Variants in TACR3 observed in about 807,000 individuals in gnomAD.
TACR3 encodes tachykinin receptor 3, also known as neuromedin-K receptor.
TACR3 carries 34 observed loss-of-function variants against 35.0 expected under a neutral mutation model. The ratio of observed to expected loss-of-function variants is 0.97; its 90% CI spans 0.74 to 1.30. TACR3 has a LOEUF of 1.30. Among genes scored for constraint, TACR3 ranks in the 50% most tolerant of loss-of-function variants. The pLI is 0.00. For synonymous variants in TACR3, 233 were observed against 221.1 expected (o/e 1.05, Z -0.48); for missense variants, 558 against 591.7 (o/e 0.94, Z 0.59).
intron 3 of TACR3, among the ~76,000 whole-genome samples, chr4:103,651,454 T>A (rs1725616352): frequency 6.6e-6 from 1 of 151,980 alleles, no homozygotes; most frequent in Admixed American, 6.6e-5. Flanking sequence ...TTGTGGTAAA[T>A]GCTGCCTGGC....
intron 1 of TACR3, among the ~76,000 whole-genome samples, chr4:103,707,961 C>A (rs1222080724): frequency 6.6e-6 from 1 of 152,194 alleles, no homozygotes. Flanking sequence ...TGGAGGGGCA[C>A]CCGCCATTGC....
chr4:103,629,852 A>AAAAC (rs1553969604), intron 3 of TACR3, among the ~76,000 whole-genome samples: 2 of 115,130 alleles, frequency 1.7e-5, no homozygotes, highest in African/African-American at 6.9e-5. Flanking sequence ...AAGCAAAACA[A>AAAAC]AAAAAAAACA....
intron 1 of TACR3, among the ~76,000 whole-genome samples, chr4:103,673,987 T>C (rs1426575610): frequency 1.3e-5 from 2 of 152,180 alleles, no homozygotes; most frequent in Non-Finnish European, 2.9e-5. Context: ...AATGAGGTTT[T>C]AGATGAAAAG....
intron 3 of TACR3, among the ~76,000 whole-genome samples, chr4:103,627,056 C>T (rs545967572): frequency 2.7e-4 from 40 of 150,804 alleles, no homozygotes; most frequent in African/African-American, 8.5e-4. Flanking sequence ...GTGGCAGGCA[C>T]CTGTAGTCCC....
chr4:103,683,465 C>G (rs1722146318), intron 1 of TACR3, among the ~76,000 whole-genome samples: 1 of 18,496 alleles, frequency 5.4e-5, no homozygotes, highest in African/African-American at 2.7e-4. Flanking sequence ...ACTAGAAAGA[C>G]TGACCAAAAA....
chr4:103,693,985 T>C (rs1722467386), intron 1 of TACR3, among the ~76,000 whole-genome samples: 1 of 151,638 alleles, frequency 6.6e-6, no homozygotes, highest in African/African-American at 2.4e-5. Flanking sequence ...AATTATACTT[T>C]TCTTATTGGT....
At chr4:103,713,333 G>A (rs1018346699) in intron 1 of TACR3, among the ~76,000 whole-genome samples, 1 of 151,938 alleles carries the variant, frequency 6.6e-6, no homozygotes, top group Non-Finnish European at 1.5e-5. Context: ...GGACATGGAT[G>A]AAGCTGGAAA....
At chr4:103,678,839 A>G (rs566245284) in intron 1 of TACR3, among the ~76,000 whole-genome samples, 2 of 151,632 alleles carry the variant, frequency 1.3e-5, no homozygotes, top group South Asian at 2.1e-4. Flanking sequence ...CACCACATCT[A>G]TAAGATTATT....
Position 103,685,318 on chromosome 4 carries a change from A to G in TACR3, c.549-26915T>C, listed in dbSNP as rs554054107. Among the ~76,000 whole-genome samples, 25 of 152,286 alleles carry G rather than the reference A, an allele frequency of 1.6e-4. No homozygotes were observed. In the East Asian group the frequency reaches 4.4e-3, roughly 27 times the overall value. Reference sequence around the variant, plus strand: ...ACAATTGGATATTTGTATGCCAAAAATATTTTACATTGAGTTCAAGCTAAG... The same window carrying G: ...ACAATTGGATATTTGTATGCCAAAAGTATTTTACATTGAGTTCAAGCTAAG... On this transcript the variant is annotated intron_variant, in intron 1 of 4. Coordinates refer to ENST00000304883, the MANE Select transcript of TACR3 (RefSeq NM_001059.3).
At chr4:103,591,109 T>G in intron 4 of TACR3, 1 of 269,378 alleles carries the variant, frequency 3.7e-6, no homozygotes, top group East Asian at 9.3e-5. Context: ...TTATAGAAAT[T>G]ATTCAAGAAT....
chr4:103,659,691 G>A (rs922076566), intron 1 of TACR3, among the ~76,000 whole-genome samples: 13 of 152,088 alleles, frequency 8.5e-5, no homozygotes, highest in African/African-American at 3.1e-4. Context: ...TATACTTAAA[G>A]CATACTTAAA....
In TACR3 at chr4:103,589,858, A is replaced by G; in HGVS notation, c.1222T>C (p.Ser408Pro). The G allele has an allele frequency of 1.2e-6, 2 of 1,613,180 alleles. No homozygotes were observed. The highest frequency in any genetic ancestry group is 1.7e-6 in the Non-Finnish European group (2 of 1,179,672). The change falls in exon 5 of 5, where the codon TCC (serine) becomes CCC (proline). Residue 408 changes from serine to proline, a missense_variant. Ser to Pro is a moderately conservative substitution (Grantham distance 74, BLOSUM62 -1). Transcript: ENST00000304883. ...TTGGGGTCAAACACGACTGTCATGG[A>G]CTCCATTCTGGTCACGGTGTACATA... ...SSMYTVTRME[S>P]MTVVFDPNDA... is the part of the protein sequence containing the mutation.
rs527579531 is a variant in TACR3 at position 103,680,524 on chromosome 4, C to T, written c.549-22121G>A. On this transcript the variant is annotated intron_variant, in intron 1 of 4. Coordinates refer to ENST00000304883, the MANE Select transcript of TACR3 (RefSeq NM_001059.3). ...ACACACACACACACATATATATATACACATATATATACATATATATACACA... is the reference window on the plus strand; with the variant it reads ...ACACACACACACACATATATATATATACATATATATACATATATATACACA... Among the ~76,000 whole-genome samples, 1,200 of 134,328 alleles carry T rather than the reference C, an allele frequency of 8.9e-3. 19 individuals are homozygous for T. Among genetic ancestry groups the T allele is most frequent in the African/African-American group, 0.035 (1,147 of 32,634 alleles). The allele number at this position is 134,328 out of a possible 152,430, so 88.1% of individuals were successfully genotyped here. A position where few individuals can be genotyped will look rare whatever the true frequency, so the allele number is the denominator to read the frequency against.
intron 3 of TACR3, among the ~76,000 whole-genome samples, chr4:103,649,983 T>A (rs1176664987): frequency 2.0e-5 from 3 of 152,050 alleles, no homozygotes; most frequent in Non-Finnish European, 4.4e-5. Context: ...CCATCCTTCT[T>A]GGGAAGGATT....
intron 3 of TACR3, among the ~76,000 whole-genome samples, chr4:103,636,491 C>A (rs756348198): frequency 1.3e-5 from 2 of 151,888 alleles, no homozygotes; most frequent in Non-Finnish European, 2.9e-5. Context: ...CACACAAAAG[C>A]CTTTTATCTC....
At chr4:103,600,199 A>G (rs1014431174) in intron 3 of TACR3, among the ~76,000 whole-genome samples, 10 of 152,146 alleles carry the variant, frequency 6.6e-5, no homozygotes, top group Middle Eastern at 3.4e-3. Flanking sequence ...TGTATGTGTC[A>G]AGGAATTTAT....
chr4:103,598,308 T>A (rs1724092674), intron 3 of TACR3, among the ~76,000 whole-genome samples: 1 of 152,200 alleles, frequency 6.6e-6, no homozygotes, highest in African/African-American at 2.4e-5. Context: ...TTGTTTGTTT[T>A]TTTCTTGTAA....
Position 103,591,666 on chromosome 4 carries a change from AATC to A in TACR3, c.903_905del (p.Met301del). On this transcript the variant is annotated inframe_deletion, in exon 4 of 5. Coordinates refer to ENST00000304883, the MANE Select transcript of TACR3 (RefSeq NM_001059.3). ...AGATAGCAAATGTCATGACAACAAT[AATC>A]ATCATTTTGACAACCTATAAAGAAA... 3.7e-6 allele frequency: 6 copies of A among 1,613,106 alleles called. No individual in the cohort carries two copies. The highest frequency in any genetic ancestry group is 5.1e-6 in the Non-Finnish European group (6 of 1,179,624).
intron 3 of TACR3, among the ~76,000 whole-genome samples, chr4:103,626,842 A>G (rs1166765877): frequency 6.6e-6 from 1 of 151,970 alleles, no homozygotes; most frequent in South Asian, 2.1e-4. Flanking sequence ...TCAGTAATCT[A>G]TATAATATAA....
Sources: gnomAD v4.1 joint callset for allele counts (sites outside exome capture counted in the v4.1 genomes callset) on GRCh38, gnomAD v4.1.1 for gene constraint, MANE v1.5 for transcripts, NCBI Gene and HGNC (gene_info 2026-07-23, HGNC 2026-07-21) for gene names.